Variants in EYA2 observed in about 807,000 individuals in gnomAD.
EYA2 encodes the protein EYA transcriptional coactivator and phosphatase 2.
EYA2 carries 31 observed loss-of-function variants against 69.2 expected under a neutral mutation model. The ratio of observed to expected loss-of-function variants is 0.45; its 90% CI spans 0.34 to 0.60. EYA2 has a LOEUF of 0.60. Ranked by LOEUF, EYA2 falls within the 20% of genes least tolerant of loss-of-function variation. EYA2 has a pLI of 0.02. For synonymous variants in EYA2, 257 were observed against 279.4 expected, an observed-to-expected ratio of 0.92 and a Z score of 0.80; for missense variants, 622 against 701.2, an observed-to-expected ratio of 0.89 and a Z score of 1.28.
At chr20:47,030,498 T>C (rs1394416466) in intron 5 of EYA2, among the ~76,000 whole-genome samples, 1 of 151,464 alleles carries the variant, frequency 6.6e-6, no homozygotes, top group Non-Finnish European at 1.5e-5. Context: ...AGCCCCAGGC[T>C]GACAGTCAAG....
chr20:47,107,441 A>T (rs2032614330), intron 9 of EYA2, among the ~76,000 whole-genome samples: 1 of 150,454 alleles, frequency 6.6e-6, no homozygotes, highest in Non-Finnish European at 1.5e-5. Flanking sequence ...CATGAGAGTT[A>T]CTTAAACCCA....
At chr20:47,051,889 T>C (rs1411000801) in intron 5 of EYA2, among the ~76,000 whole-genome samples, 1 of 152,194 alleles carries the variant, frequency 6.6e-6, no homozygotes, top group Non-Finnish European at 1.5e-5. Flanking sequence ...TAACCACAGC[T>C]CGGGGCTCAG....
At chr20:47,162,907 G>T (rs949959482) in intron 10 of EYA2, among the ~76,000 whole-genome samples, 8 of 152,024 alleles carry the variant, frequency 5.3e-5, no homozygotes, top group Non-Finnish European at 1.0e-4. Context: ...TGAAACTGCT[G>T]CTTCCAGCCA....
intron 1 of EYA2, among the ~76,000 whole-genome samples, chr20:46,974,621 G>A (rs1980340566): frequency 1.3e-5 from 2 of 152,170 alleles, no homozygotes; most frequent in African/African-American, 4.8e-5. Flanking sequence ...GTGGCCTCAA[G>A]CACTTCGTGT....
intron 2 of EYA2, among the ~76,000 whole-genome samples, chr20:46,991,387 G>C (rs970648): frequency 1.3e-5 from 2 of 152,150 alleles, no homozygotes; most frequent in Non-Finnish European, 2.9e-5. Context: ...GCATAATGGC[G>C]TACTTCATAG....
At chr20:47,008,948 T>A (rs1251618817) in intron 4 of EYA2, among the ~76,000 whole-genome samples, 1 of 152,274 alleles carries the variant, frequency 6.6e-6, no homozygotes, top group East Asian at 1.9e-4. Context: ...GTGATCCATA[T>A]GGTCTTTATT....
At chr20:47,162,140 C>T (rs2034081314) in intron 10 of EYA2, among the ~76,000 whole-genome samples, 1 of 152,172 alleles carries the variant, frequency 6.6e-6, no homozygotes, top group Admixed American at 6.5e-5. Context: ...CGTCTTCTGT[C>T]TCTGTGTCCA....
At chr20:47,084,055 G>C (rs993159183) in intron 7 of EYA2, among the ~76,000 whole-genome samples, 3 of 152,110 alleles carry the variant, frequency 2.0e-5, no homozygotes, top group Non-Finnish European at 4.4e-5. Flanking sequence ...AGATCAGCCT[G>C]GCTAACATGG....
chr20:46,986,308 ATATAT>A (rs982187716), intron 1 of EYA2, among the ~76,000 whole-genome samples: 12 of 138,318 alleles, frequency 8.7e-5, no homozygotes, highest in Admixed American at 1.4e-4. Flanking sequence ...TGTATATATT[ATATAT>A]TATATATAAT....
intron 1 of EYA2, among the ~76,000 whole-genome samples, chr20:46,967,104 G>A (rs992323985): frequency 5.9e-5 from 9 of 152,092 alleles, no homozygotes; most frequent in African/African-American, 1.2e-4. Context: ...AGTGATTCTC[G>A]TGCCTCAGAC....
intron 3 of EYA2, among the ~76,000 whole-genome samples, chr20:47,003,022 A>T (rs1244519646): frequency 6.6e-6 from 1 of 152,242 alleles, no homozygotes; most frequent in Non-Finnish European, 1.5e-5. Context: ...CTTTAGCAAA[A>T]GTGATGTAAC....
intron 1 of EYA2, among the ~76,000 whole-genome samples, chr20:46,971,080 T>TACAC (rs148380754): frequency 0.14 from 20,431 of 147,142 alleles, 1,634 homozygotes; most frequent in East Asian, 0.26. Flanking sequence ...ATAAAGTTGC[T>TACAC]ACACACACAC....
intron 5 of EYA2, among the ~76,000 whole-genome samples, chr20:47,067,946 C>G (rs1218755187): frequency 6.6e-6 from 1 of 152,178 alleles, no homozygotes; most frequent in African/African-American, 2.4e-5. Context: ...AAATGTTGTG[C>G]CATTTCCTTC....
At chr20:46,948,949 A>T (rs929743762) in intron 1 of EYA2, among the ~76,000 whole-genome samples, 1 of 152,220 alleles carries the variant, frequency 6.6e-6, no homozygotes, top group Non-Finnish European at 1.5e-5. Context: ...GGGAAAATAC[A>T]TGCACTATCT....
chr20:47,023,632 G>GTTGTTT (rs1983891088), intron 5 of EYA2, among the ~76,000 whole-genome samples: 1 of 90,116 alleles, frequency 1.1e-5, no homozygotes, highest in South Asian at 3.9e-4. Context: ...GATTTTGGGT[G>GTTGTTT]TTTTTTTTTT....
intron 1 of EYA2, among the ~76,000 whole-genome samples, chr20:46,937,919 G>A (rs189582780): frequency 7.2e-4 from 109 of 152,244 alleles, no homozygotes; most frequent in African/African-American, 2.5e-3. Context: ...GCATATTAAA[G>A]GTGTATCCTA....
chr20:46,994,245 C>A (rs979793611), intron 2 of EYA2, among the ~76,000 whole-genome samples: 31 of 152,334 alleles, frequency 2.0e-4, no homozygotes, highest in African/African-American at 7.2e-4. Flanking sequence ...CATGCTCATG[C>A]AGTCCTTGCC....
At chr20:47,010,685 A>G (rs1983002801) in intron 4 of EYA2, among the ~76,000 whole-genome samples, 3 of 148,114 alleles carry the variant, frequency 2.0e-5, no homozygotes, top group South Asian at 2.1e-4. Context: ...ACATATATAT[A>G]TGTGTATGTG....
chr20:47,015,270 A>C (rs1265008346), intron 4 of EYA2, among the ~76,000 whole-genome samples: 1 of 152,212 alleles, frequency 6.6e-6, no homozygotes, highest in Non-Finnish European at 1.5e-5. Flanking sequence ...AGTAAAAATT[A>C]AGTGAATGAG....
Sources: gnomAD v4.1 joint callset for allele counts (sites outside exome capture counted in the v4.1 genomes callset) on GRCh38, gnomAD v4.1.1 for gene constraint, MANE v1.5 for transcripts, NCBI Gene and HGNC (gene_info 2026-07-23, HGNC 2026-07-21) for gene names.